Variants in MARCHF8 observed in about 807,000 individuals in gnomAD.
MARCHF8 encodes the protein membrane associated ring-CH-type finger 8, also known as E3 ubiquitin-protein ligase MARCHF8.
MARCHF8 carries 40 observed loss-of-function variants against 51.6 expected under a neutral mutation model. The observed-to-expected ratio is 0.77, with a 90% confidence interval of 0.60 to 1.01. The LOEUF (loss-of-function observed/expected upper bound fraction) is 1.01. Among genes scored for constraint, MARCHF8 ranks in the 50% least tolerant of loss-of-function variants. The probability of loss-of-function intolerance (pLI) is 0.00; values close to 1 mark genes in which losing one functional copy is unlikely to be tolerated. For missense variants in MARCHF8, 685 were observed against 708.6 expected, an observed-to-expected ratio of 0.97 and a Z score of 0.38; for synonymous variants, 263 against 280.3, an observed-to-expected ratio of 0.94 and a Z score of 0.62.
intron 2 of MARCHF8, among the ~76,000 whole-genome samples, chr10:45,507,886 G>C (rs568311712): frequency 5.3e-4 from 80 of 152,062 alleles, no homozygotes; most frequent in African/African-American, 1.9e-3. Context: ...TACAATACTG[G>C]AGTTTGGTTT....
intron 2 of MARCHF8, among the ~76,000 whole-genome samples, chr10:45,510,720 G>A (rs1271126315): frequency 6.6e-6 from 1 of 152,090 alleles, no homozygotes; most frequent in Non-Finnish European, 1.5e-5. Flanking sequence ...CAATAATGAA[G>A]TTAACAAGCA....
chr10:45,487,081 G>A (rs143634093), intron 3 of MARCHF8, among the ~76,000 whole-genome samples: 4 of 152,142 alleles, frequency 2.6e-5, no homozygotes, highest in African/African-American at 7.2e-5. Flanking sequence ...AAATTGCTGC[G>A]ATTACAGGTG....
In MARCHF8 at chr10:45,458,230, C is replaced by A; in HGVS notation, c.*9G>T. The A allele has an allele frequency of 6.3e-7, 1 of 1,597,086 alleles. No individual in the cohort carries two copies. Among genetic ancestry groups the A allele is most frequent in the East Asian group, 2.2e-5 (1 of 44,746 alleles). On this transcript the variant is annotated 3_prime_UTR_variant, in exon 8 of 8. Transcript: ENST00000453424. The stretch of plus-strand genomic sequence containing the variant: ...ATGGATGTCCAGGAAAATGACAACC[C>A]GCACACAATCAGACGTGAATGATTT...
intron 1 of MARCHF8, among the ~76,000 whole-genome samples, chr10:45,551,610 G>A (rs2044195487): frequency 6.6e-6 from 1 of 151,998 alleles, no homozygotes; most frequent in African/African-American, 2.4e-5. Context: ...TCAGTTGAAG[G>A]CCTTAATATA....
intron 1 of MARCHF8, among the ~76,000 whole-genome samples, chr10:45,561,275 ATT>A (rs369519527): frequency 1.0e-4 from 15 of 142,910 alleles, no homozygotes; most frequent in Non-Finnish European, 9.2e-5. Context: ...ATGAAACAGA[ATT>A]TTTTTTTTTT....
At chr10:45,478,743 T>C (rs533219680) in intron 3 of MARCHF8, among the ~76,000 whole-genome samples, 1 of 152,212 alleles carries the variant, frequency 6.6e-6, no homozygotes, top group East Asian at 1.9e-4. Context: ...TATTACGAAC[T>C]ACATGCTATC....
chr10:45,494,081 G>GA (rs1341427642), intron 2 of MARCHF8, among the ~76,000 whole-genome samples: 1 of 152,248 alleles, frequency 6.6e-6, no homozygotes, highest in Non-Finnish European at 1.5e-5. Context: ...GATTGGGAAA[G>GA]ACTGAGTCTG....
At chr10:45,585,601 C>T (rs1006007414) in intron 1 of MARCHF8, among the ~76,000 whole-genome samples, 5 of 152,066 alleles carry the variant, frequency 3.3e-5, no homozygotes, top group African/African-American at 1.2e-4. Flanking sequence ...TTCAGGGTAG[C>T]AGTTATGTCT....
At chr10:45,563,509 G>A (rs1391437995) in intron 1 of MARCHF8, among the ~76,000 whole-genome samples, 3 of 152,084 alleles carry the variant, frequency 2.0e-5, no homozygotes, top group African/African-American at 7.2e-5. Flanking sequence ...GTAAGTCTAT[G>A]ATAATATCTC....
chr10:45,586,924 A>G (rs180713753), intron 1 of MARCHF8, among the ~76,000 whole-genome samples: 9 of 151,546 alleles, frequency 5.9e-5, no homozygotes, highest in African/African-American at 2.2e-4. Flanking sequence ...CTTTTCCTTA[A>G]CATCTCCTAA....
rs1027153676 is a variant in MARCHF8 at position 45,492,329 on chromosome 10, G to A, written c.103-2912C>T. Reference sequence around the variant, plus strand: ...TTTTTCTTTTTTGATACGTAGTCTCGCTCTGTCGCCCAGGCTGGAGTGCAC... The same window carrying A: ...TTTTTCTTTTTTGATACGTAGTCTCACTCTGTCGCCCAGGCTGGAGTGCAC... On this transcript the variant is annotated intron_variant, in intron 2 of 7. Transcript: ENST00000453424. Among the ~76,000 whole-genome samples the A allele has an allele frequency of 4.8e-5, 7 of 146,440 alleles. No homozygotes were observed. In the East Asian group the frequency reaches 1.4e-3, roughly 30 times the overall value.
At chr10:45,511,027 T>C (rs889359896) in intron 2 of MARCHF8, among the ~76,000 whole-genome samples, 3 of 152,200 alleles carry the variant, frequency 2.0e-5, no homozygotes, top group Non-Finnish European at 4.4e-5. Context: ...CTTTCTAATA[T>C]AGACTGATAA....
chr10:45,512,892 C>T (rs2133206477), intron 2 of MARCHF8, among the ~76,000 whole-genome samples: 1 of 152,156 alleles, frequency 6.6e-6, no homozygotes, highest in South Asian at 2.1e-4. Flanking sequence ...AAAAATTCTT[C>T]TGCCTTGGGA....
intron 6 of MARCHF8, chr10:45,459,631 T>G: frequency 1.2e-6 from 1 of 833,660 alleles, no homozygotes; most frequent in East Asian, 1.2e-4. Context: ...TAAGTCTCCC[T>G]GATGTGCTGA....
chr10:45,534,760 G>A (rs962191891), intron 1 of MARCHF8, among the ~76,000 whole-genome samples: 2 of 152,052 alleles, frequency 1.3e-5, no homozygotes, highest in Non-Finnish European at 2.9e-5. Flanking sequence ...ACAACCCCAA[G>A]GTCACATTTG....
chr10:45,521,566 C>T (rs573647332), intron 2 of MARCHF8, among the ~76,000 whole-genome samples: 1 of 152,290 alleles, frequency 6.6e-6, no homozygotes, highest in Admixed American at 6.5e-5. Flanking sequence ...CTGTGCCTCC[C>T]AGACATGGTG....
At chr10:45,531,435 T>C (rs2043884217) in intron 2 of MARCHF8, among the ~76,000 whole-genome samples, 1 of 152,184 alleles carries the variant, frequency 6.6e-6, no homozygotes, top group Non-Finnish European at 1.5e-5. Flanking sequence ...ATCTTTATTA[T>C]TATTTAAAAG....
At chr10:45,530,961 A>C (rs939360351) in intron 2 of MARCHF8, among the ~76,000 whole-genome samples, 1 of 152,230 alleles carries the variant, frequency 6.6e-6, no homozygotes, top group African/African-American at 2.4e-5. Flanking sequence ...GATCCAAAAC[A>C]AATGTCTAGT....
At chr10:45,553,877 G>C (rs2044223840) in intron 1 of MARCHF8, among the ~76,000 whole-genome samples, 1 of 152,002 alleles carries the variant, frequency 6.6e-6, no homozygotes. Flanking sequence ...TAAATGGAAT[G>C]CAGGAAAAAA....
Sources: gnomAD v4.1 joint callset for allele counts (sites outside exome capture counted in the v4.1 genomes callset) on GRCh38, gnomAD v4.1.1 for gene constraint, MANE v1.5 for transcripts, NCBI Gene and HGNC (gene_info 2026-07-23, HGNC 2026-07-21) for gene names.